The following MAP7 variants were observed in gnomAD, a reference collection of about 807,000 sequenced individuals.
MAP7 encodes microtubule associated protein 7, also known as ensconsin.
In MAP7, 52 loss-of-function variants were observed where a neutral mutation model predicts 94.8. That is an observed-to-expected ratio of 0.55 (90% confidence interval 0.44 to 0.69). The LOEUF is 0.69. Among genes scored for constraint, MAP7 ranks in the 30% least tolerant of loss-of-function variants. The pLI is 0.00. For synonymous variants in MAP7, 350 were observed against 357.0 expected (o/e 0.98, Z 0.22); for missense variants, 940 against 964.6 (o/e 0.97, Z 0.34).
intron 16 of MAP7, among the ~76,000 whole-genome samples, chr6:136,353,153 C>T (rs985239368): frequency 2.0e-5 from 3 of 152,066 alleles, no homozygotes; most frequent in African/African-American, 4.8e-5. Context: ...ATGTTTTCAC[C>T]CAGGTAACTT....
chr6:136,353,449 G>A (rs1405686196), intron 16 of MAP7, among the ~76,000 whole-genome samples: 1 of 152,168 alleles, frequency 6.6e-6, no homozygotes, highest in Non-Finnish European at 1.5e-5. Flanking sequence ...ATGAATCATG[G>A]TTATCCCTAA....
chr6:136,413,148 C>A (rs983610763), intron 2 of MAP7, among the ~76,000 whole-genome samples: 3 of 151,950 alleles, frequency 2.0e-5, no homozygotes, highest in Non-Finnish European at 4.4e-5. Flanking sequence ...GGCAACAGAG[C>A]AAGACTCTGT....
chr6:136,407,395 G>A (rs1785963067), intron 3 of MAP7, among the ~76,000 whole-genome samples: 1 of 152,194 alleles, frequency 6.6e-6, no homozygotes, highest in African/African-American at 2.4e-5. Flanking sequence ...ATAGTGAAAG[G>A]ATGATAAATT....
At chr6:136,442,013 A>G (rs1010295147) in intron 1 of MAP7, among the ~76,000 whole-genome samples, 1 of 148,602 alleles carries the variant, frequency 6.7e-6, no homozygotes, top group African/African-American at 2.5e-5. Flanking sequence ...ACCCTGTCTC[A>G]ACAACAACAA....
chr6:136,398,835 G>A lies in MAP7; in HGVS notation c.245-9318C>T, dbSNP rs974581704. ...CATGCAGCTAACAGGAAGAAACTCA[G>A]GTAGAACAGTGAACTCAGTGCACTC... On this transcript the variant is annotated intron_variant, in intron 3 of 17. Coordinates refer to ENST00000354570, the MANE Select transcript of MAP7 (RefSeq NM_003980.6). Among the ~76,000 whole-genome samples, 9 of 152,150 alleles carry A rather than the reference G, an allele frequency of 5.9e-5. No individual in the cohort carries two copies. The South Asian group carries it at 1.9e-3, about 32-fold the overall frequency.
At chr6:136,534,557 C>G (rs141398436) in intron 1 of MAP7, among the ~76,000 whole-genome samples, 1 of 152,278 alleles carries the variant, frequency 6.6e-6, no homozygotes, top group Non-Finnish European at 1.5e-5. Context: ...ATGCTGCGAA[C>G]GAAAGCATGC....
At chr6:136,401,496 CT>C (rs1784068747) in intron 3 of MAP7, among the ~76,000 whole-genome samples, 1 of 152,140 alleles carries the variant, frequency 6.6e-6, no homozygotes, top group African/African-American at 2.4e-5. Context: ...ATGGATAAAG[CT>C]GGAAACCATC....
chr6:136,506,212 G>A (rs1821463866), intron 1 of MAP7, among the ~76,000 whole-genome samples: 3 of 151,980 alleles, frequency 2.0e-5, no homozygotes, highest in African/African-American at 4.8e-5. Context: ...TATCAAATAG[G>A]GAGAATTGAA....
intron 1 of MAP7, among the ~76,000 whole-genome samples, chr6:136,424,023 C>T (rs1489599372): frequency 6.6e-6 from 1 of 151,932 alleles, no homozygotes; most frequent in African/African-American, 2.4e-5. Context: ...GTCTCGAACT[C>T]CCAACCTCAG....
intron 6 of MAP7, among the ~76,000 whole-genome samples, chr6:136,380,669 T>C (rs1405380264): frequency 1.3e-5 from 2 of 152,200 alleles, no homozygotes; most frequent in Non-Finnish European, 2.9e-5. Context: ...ATGTAAAAAT[T>C]TCCAGTGGCA....
chr6:136,496,616 C>T (rs1818294330), intron 1 of MAP7, among the ~76,000 whole-genome samples: 1 of 151,592 alleles, frequency 6.6e-6, no homozygotes, highest in African/African-American at 2.4e-5. Context: ...AACAATATTA[C>T]ATATGTTAAC....
At chr6:136,349,193 ACT>A (rs1227006307) in intron 16 of MAP7, among the ~76,000 whole-genome samples, 6 of 152,126 alleles carry the variant, frequency 3.9e-5, no homozygotes, top group African/African-American at 1.4e-4. Flanking sequence ...CTCCACAAGT[ACT>A]CTCTCTTAAG....
At chr6:136,538,644 T>C (rs1160786379) in intron 1 of MAP7, among the ~76,000 whole-genome samples, 1 of 151,292 alleles carries the variant, frequency 6.6e-6, no homozygotes, top group Non-Finnish European at 1.5e-5. Flanking sequence ...AATTAGCTGG[T>C]GCTAGGAATA....
At chr6:136,362,747 C>T (rs753909871) in intron 10 of MAP7, 45 bp from the exon 11 acceptor site, 53 of 1,512,596 alleles carry the variant, frequency 3.5e-5, no homozygotes, top group Non-Finnish European at 4.7e-5. Flanking sequence ...AAACAAAATC[C>T]AAAGAACAAA....
chr6:136,469,024 A>C (rs1419906886), intron 1 of MAP7, among the ~76,000 whole-genome samples: 1 of 152,090 alleles, frequency 6.6e-6, no homozygotes, highest in African/African-American at 2.4e-5. Context: ...TGGTGAATTC[A>C]TCCAGAAAAA....
chr6:136,360,661 T>A (rs1452771644), intron 13 of MAP7, 36 bp downstream of exon 13: 1 of 1,594,608 alleles, frequency 6.3e-7, no homozygotes, highest in Non-Finnish European at 8.6e-7. Flanking sequence ...GAGGTGCAAG[T>A]TCGCGTCCCG....
chr6:136,484,111 G>T (rs1176506389), intron 1 of MAP7, among the ~76,000 whole-genome samples: 1 of 152,104 alleles, frequency 6.6e-6, no homozygotes, highest in Non-Finnish European at 1.5e-5. Context: ...CTTATTCTTG[G>T]CTCACGCGAA....
chr6:136,397,294 GT>G (rs1000101282), intron 3 of MAP7, among the ~76,000 whole-genome samples: 52 of 151,078 alleles, frequency 3.4e-4, no homozygotes, highest in African/African-American at 8.0e-4. Context: ...TCCACAAAAA[GT>G]TTTTTTTTAA....
intron 3 of MAP7, among the ~76,000 whole-genome samples, chr6:136,391,800 T>C (rs1780863541): frequency 6.6e-6 from 1 of 152,240 alleles, no homozygotes; most frequent in Non-Finnish European, 1.5e-5. Flanking sequence ...TTTCTTAAGA[T>C]GCACTTACTT....
Sources: allele counts gnomAD v4.1 joint callset (sites outside exome capture counted in the v4.1 genomes callset), GRCh38; gene constraint gnomAD v4.1.1; transcripts MANE v1.5; gene names NCBI Gene and HGNC (gene_info 2026-07-23, HGNC 2026-07-21).